Variants in FLT3 observed in about 807,000 individuals in gnomAD.
FLT3 encodes fms related receptor tyrosine kinase 3, also known as receptor-type tyrosine-protein kinase FLT3.
In FLT3, 46 loss-of-function variants were observed where a neutral mutation model predicts 126.6. The ratio of observed to expected loss-of-function variants is 0.36; its 90% confidence interval spans 0.29 to 0.46. The LOEUF is 0.46. Ranked by LOEUF, FLT3 falls within the 20% of genes least tolerant of loss-of-function variation. The probability of loss-of-function intolerance (pLI) is 1.00; values close to 1 mark genes in which losing one functional copy is unlikely to be tolerated. For synonymous variants in FLT3, 404 were observed against 434.4 expected (o/e 0.93, Z 0.87); for missense variants, 1,069 against 1,190.3 (o/e 0.90, Z 1.50).
intron 17 of FLT3, among the ~76,000 whole-genome samples, 200 bp downstream of exon 17, chr13:28,026,888 A>C (rs564349615): frequency 6.6e-6 from 1 of 152,364 alleles, no homozygotes; most frequent in East Asian, 1.9e-4. Flanking sequence ...GCTCAGCTAT[A>C]GTACCTGTAC....
chr13:28,007,516 G>C (rs1382036866), intron 23 of FLT3, among the ~76,000 whole-genome samples: 3 of 151,860 alleles, frequency 2.0e-5, no homozygotes, highest in Non-Finnish European at 4.4e-5. Flanking sequence ...CAATGTGCTG[G>C]GATTACAGGC....
chr13:28,051,962 G>T (rs1379601089), intron 5 of FLT3, among the ~76,000 whole-genome samples: 3 of 151,886 alleles, frequency 2.0e-5, no homozygotes, highest in Non-Finnish European at 2.9e-5. Flanking sequence ...TACTTGTGTA[G>T]CATGATGCCC....
intron 9 of FLT3, among the ~76,000 whole-genome samples, chr13:28,038,308 G>C (rs1365599250): frequency 6.6e-6 from 1 of 151,946 alleles, no homozygotes; most frequent in Non-Finnish European, 1.5e-5. Context: ...GGAGAGGCAG[G>C]GCAGCAATGA....
At chr13:28,012,005 G>C (rs73171839) in intron 23 of FLT3, among the ~76,000 whole-genome samples, 38,823 of 151,750 alleles carry the variant, frequency 0.26, 5,071 homozygotes, top group Non-Finnish European at 0.28. Flanking sequence ...TGTTGGCCTG[G>C]CTGGTCTGGA....
At chr13:28,005,230 A>G (rs539712619) in intron 23 of FLT3, among the ~76,000 whole-genome samples, 8 of 152,244 alleles carry the variant, frequency 5.3e-5, no homozygotes, top group Admixed American at 2.6e-4. Context: ...TTGGGAGGCT[A>G]AGGCAGGAGA....
At position 28,050,177 on chromosome 13, in the gene FLT3, C is replaced by T; in HGVS notation, c.660G>A (p.Val220=). The part of the protein sequence containing the change: ...SPAVVKKEEK[V]LHELFGTDIR... ...TGTCCGTCCCAAATAATTCATGAAG[C>T]ACTTTTTCCTCCTTTTTAACAACAG... Residue 220 remains valine (V), a synonymous_variant, in exon 6 of 24, where the codon GTG becomes GTA. Coordinates refer to ENST00000241453, the MANE Select transcript of FLT3 (RefSeq NM_004119.3). 1 of 1,614,034 alleles carries T rather than the reference C, an allele frequency of 6.2e-7. No individual in the cohort carries two copies. The highest frequency in any genetic ancestry group is 8.5e-7 in the Non-Finnish European group (1 of 1,179,884).
In FLT3 at chr13:28,006,875, A is replaced by G. The variant is rs1015499110; in HGVS notation, c.2860-2701T>C. ...AATTCTTGTGCCTCAAGTAGCTGGGACTACAGGTGTGTACCACCACACCTG... is the reference window on the plus strand; with the variant it reads ...AATTCTTGTGCCTCAAGTAGCTGGGGCTACAGGTGTGTACCACCACACCTG... On this transcript the variant is annotated intron_variant, in intron 23 of 23. Transcript: ENST00000241453. Among the ~76,000 whole-genome samples the G allele has an allele frequency of 1.1e-4, 16 of 151,818 alleles. No homozygotes were observed. In the East Asian group the frequency reaches 2.3e-3, roughly 22 times the overall value.
intron 1 of FLT3, among the ~76,000 whole-genome samples, chr13:28,075,734 A>G (rs1877883900): frequency 1.4e-5 from 1 of 70,396 alleles, no homozygotes; most frequent in African/African-American, 3.2e-5. Flanking sequence ...AAAAAAAAAA[A>G]AATGGATGCA....
chr13:28,014,637 C>A (rs1871680236), intron 22 of FLT3, 80 bp from the exon 23 acceptor site: 1 of 939,654 alleles, frequency 1.1e-6, no homozygotes, highest in Non-Finnish European at 1.7e-6. Context: ...TAATGAAGCA[C>A]CATTTATTCC....
intron 5 of FLT3, among the ~76,000 whole-genome samples, chr13:28,052,035 C>A (rs1225573489): frequency 6.6e-6 from 1 of 151,818 alleles, no homozygotes; most frequent in African/African-American, 2.4e-5. Flanking sequence ...AAATCCTTGT[C>A]CTCCCTGTGA....
intron 17 of FLT3, among the ~76,000 whole-genome samples, chr13:28,025,985 G>T (rs921124259): frequency 1.3e-5 from 2 of 152,200 alleles, no homozygotes; most frequent in South Asian, 2.1e-4. Flanking sequence ...CCCTGGTAAA[G>T]AAAAAAGTCT....
intron 1 of FLT3, among the ~76,000 whole-genome samples, chr13:28,078,715 C>CT (rs757678538): frequency 0.012 from 703 of 60,510 alleles, 7 homozygotes; most frequent in African/African-American, 0.024. Flanking sequence ...TTTTTCTTTT[C>CT]TTTTTTTTTT....
At chr13:28,033,150 T>TACA (rs1555253916) in intron 15 of FLT3, among the ~76,000 whole-genome samples, 3 of 107,866 alleles carry the variant, frequency 2.8e-5, no homozygotes, top group Non-Finnish European at 6.2e-5. Flanking sequence ...ACACCGTATC[T>TACA]ACAAAAAAAA....
At chr13:28,071,560 C>T (rs1319265628) in intron 1 of FLT3, among the ~76,000 whole-genome samples, 2 of 152,080 alleles carry the variant, frequency 1.3e-5, no homozygotes, top group Non-Finnish European at 1.5e-5. Context: ...AAATGACTGA[C>T]AATCTTTGAC....
At chr13:28,087,469 C>T (rs1046400443) in intron 1 of FLT3, among the ~76,000 whole-genome samples, 6 of 152,154 alleles carry the variant, frequency 3.9e-5, no homozygotes, top group Non-Finnish European at 8.8e-5. Flanking sequence ...TAGTCTCTGG[C>T]TTTAACCAAT....
In FLT3 at chr13:28,100,562, C is replaced by A; in HGVS notation, c.-52G>T. ...CCGCGCCGGCCCAGCCCTGCGATGC[C>A]GCCTGGAGCGGCGCGCCTCGCGCTG... is the stretch of plus-strand genomic sequence containing the variant. On this transcript the variant is annotated 5_prime_UTR_variant, in exon 1 of 24. Coordinates refer to ENST00000241453, the MANE Select transcript of FLT3 (RefSeq NM_004119.3). This position sits in a 1 kb window ranked among gnomAD's most constrained non-coding sequence, Gnocchi z 4.8. The A allele has an allele frequency of 8.7e-7, 1 of 1,153,844 alleles. No homozygotes were observed. The highest frequency in any genetic ancestry group is 1.1e-6 in the Non-Finnish European group (1 of 922,928). 71.5% of individuals were successfully genotyped at this position (1,153,844 alleles called of 1,614,324 possible).
intron 1 of FLT3, chr13:28,073,372 AT>A: frequency 2.5e-6 from 1 of 400,332 alleles, no homozygotes; most frequent in Non-Finnish European, 4.9e-6. Flanking sequence ...AAAAAAAAGC[AT>A]TTTTTACTGT....
chr13:28,006,747 G>C (rs1038661489), intron 23 of FLT3, among the ~76,000 whole-genome samples: 1 of 46,688 alleles, frequency 2.1e-5, no homozygotes, highest in Admixed American at 2.4e-4. Context: ...TTTTTTTTTT[G>C]TTGTTGCTGT....
intron 2 of FLT3, among the ~76,000 whole-genome samples, chr13:28,066,102 C>A (rs7332042): frequency 0.97 from 147,407 of 152,308 alleles, 71,491 homozygotes; most frequent in Non-Finnish European, 1. Context: ...TAAATAATAA[C>A]ACCATAGTGA....
Sources: allele counts gnomAD v4.1 joint callset (sites outside exome capture counted in the v4.1 genomes callset), GRCh38; gene constraint gnomAD v4.1.1; non-coding constraint Gnocchi (gnomAD v3.1); transcripts MANE v1.5; gene names NCBI Gene and HGNC (gene_info 2026-07-23, HGNC 2026-07-21).